CADM2: variants seen among roughly 807,000 people sequenced by gnomAD.
CADM2 encodes the protein immunoglobulin superfamily member 4D.
CADM2 carries 12 observed loss-of-function variants against 49.8 expected under a neutral mutation model. The ratio of observed to expected loss-of-function variants is 0.24; its 90% CI spans 0.15 to 0.39. The LOEUF is 0.39. CADM2 is among the 10% of genes least tolerant of loss of function. The pLI is 1.00. For synonymous variants in CADM2, 214 were observed against 175.4 expected, an observed-to-expected ratio of 1.22 and a Z score of -1.74; for missense variants, 378 against 492.3, an observed-to-expected ratio of 0.77 and a Z score of 2.20.
intron 2 of CADM2, among the ~76,000 whole-genome samples, chr3:85,796,157 T>G (rs2071607613): frequency 6.6e-6 from 1 of 152,230 alleles, no homozygotes; most frequent in Admixed American, 6.5e-5. Flanking sequence ...ATGTATATTT[T>G]TATTAGCAAT....
intron 8 of CADM2, among the ~76,000 whole-genome samples, chr3:85,977,482 A>G (rs980130713): frequency 6.6e-6 from 1 of 151,562 alleles, no homozygotes; most frequent in Non-Finnish European, 1.5e-5. Flanking sequence ...TCAGCAAATA[A>G]TTTTGCTAAC....
chr3:85,792,759 G>A (rs1453418596), intron 2 of CADM2, among the ~76,000 whole-genome samples: 3 of 152,216 alleles, frequency 2.0e-5, no homozygotes, highest in African/African-American at 7.2e-5. Context: ...ATTTTCGAAA[G>A]CAGAGTGATG....
intron 2 of CADM2, among the ~76,000 whole-genome samples, chr3:85,756,606 C>T (rs994999374): frequency 1.2e-4 from 18 of 152,026 alleles, no homozygotes; most frequent in Non-Finnish European, 1.3e-4. Context: ...TTCTTACATA[C>T]GGACATCATA....
chr3:85,670,522 A>G (rs964712692), intron 1 of CADM2, among the ~76,000 whole-genome samples: 5 of 152,264 alleles, frequency 3.3e-5, no homozygotes, highest in Non-Finnish European at 7.4e-5. Flanking sequence ...AGACCTGTCC[A>G]TCCACAGCCT....
chr3:85,721,488 G>A (rs992818538), intron 1 of CADM2, among the ~76,000 whole-genome samples: 6 of 152,144 alleles, frequency 3.9e-5, no homozygotes, highest in South Asian at 2.1e-4. Context: ...TGCCAAGGGC[G>A]AGTGAGGTGT....
At chr3:85,412,720 A>G (rs1183636811) in intron 1 of CADM2, among the ~76,000 whole-genome samples, 1 of 152,170 alleles carries the variant, frequency 6.6e-6, no homozygotes, top group Non-Finnish European at 1.5e-5. Flanking sequence ...GCACAATTTT[A>G]AAAATGGGAT....
intron 1 of CADM2, among the ~76,000 whole-genome samples, chr3:85,213,262 A>G (rs2107774744): frequency 6.6e-6 from 1 of 152,200 alleles, no homozygotes; most frequent in South Asian, 2.1e-4. Flanking sequence ...GATGTTGATG[A>G]AATCACTCTG....
chr3:85,316,184 A>G (rs1215845188), intron 1 of CADM2, among the ~76,000 whole-genome samples: 2 of 152,172 alleles, frequency 1.3e-5, no homozygotes, highest in Non-Finnish European at 2.9e-5. Context: ...ACCATCTGTA[A>G]GTTTCCTTCA....
At chr3:85,947,132 G>A (rs912710731) in intron 7 of CADM2, among the ~76,000 whole-genome samples, 39 of 151,956 alleles carry the variant, frequency 2.6e-4, no homozygotes, top group African/African-American at 8.9e-4. Flanking sequence ...ACAAGTGGAC[G>A]AAGGATATGA....
At chr3:85,788,497 G>A (rs563534911) in intron 2 of CADM2, among the ~76,000 whole-genome samples, 1 of 151,956 alleles carries the variant, frequency 6.6e-6, no homozygotes, top group South Asian at 2.1e-4. Context: ...TTACAGAGAA[G>A]AATACAGAAA....
chr3:85,589,625 A>G (rs1479643549), intron 1 of CADM2, among the ~76,000 whole-genome samples: 1 of 152,076 alleles, frequency 6.6e-6, no homozygotes, highest in African/African-American at 2.4e-5. Context: ...AGAGACAAGA[A>G]CAAATAAATA....
chr3:85,573,708 T>C (rs1259357808), intron 1 of CADM2, among the ~76,000 whole-genome samples: 1 of 152,218 alleles, frequency 6.6e-6, no homozygotes, highest in Non-Finnish European at 1.5e-5. Context: ...CTCTCAGGTA[T>C]CTATGATCAA....
intron 1 of CADM2, among the ~76,000 whole-genome samples, chr3:85,064,600 G>A (rs2036455896): frequency 1.3e-5 from 2 of 151,882 alleles, no homozygotes; most frequent in African/African-American, 2.4e-5. Context: ...GCCTCCTTTG[G>A]TTCTTATTTT....
chr3:85,630,412 G>T (rs2064273608), intron 1 of CADM2, among the ~76,000 whole-genome samples: 1 of 151,878 alleles, frequency 6.6e-6, no homozygotes, highest in Non-Finnish European at 1.5e-5. Context: ...CTCTTTCTGT[G>T]GGAAACATTA....
Position 85,229,440 on chromosome 3 carries a change from A to G in CADM2, c.61+269772A>G, listed in dbSNP as rs374774784. Among the ~76,000 whole-genome samples, 21 of 151,834 alleles carry G rather than the reference A, an allele frequency of 1.4e-4. No homozygotes were observed. In the East Asian group the frequency reaches 3.3e-3, roughly 24 times the overall value. ...TGAGGTGACAGCCCGCCCTGCTTCA[A>G]CTCGCCCTCGGTGGGCTGCACCTAC... On this transcript the variant is annotated intron_variant, in intron 1 of 9. Transcript: ENST00000383699.
At chr3:85,494,453 C>A (rs552177978) in intron 1 of CADM2, among the ~76,000 whole-genome samples, 1 of 152,192 alleles carries the variant, frequency 6.6e-6, no homozygotes, top group Non-Finnish European at 1.5e-5. Flanking sequence ...AACCTAGAAT[C>A]TTGTGTAATG....
At chr3:84,970,778 G>A in intron 1 of CADM2, among the ~76,000 whole-genome samples, 1 of 151,978 alleles carries the variant, frequency 6.6e-6, no homozygotes, top group East Asian at 1.9e-4. Flanking sequence ...GTTAAACCAT[G>A]TCTGTATGAT....
At chr3:84,960,845 G>T (rs957880894) in intron 1 of CADM2, among the ~76,000 whole-genome samples, 1 of 152,278 alleles carries the variant, frequency 6.6e-6, no homozygotes, top group African/African-American at 2.4e-5. Context: ...GACACTTTGG[G>T]TGGTGGAGGA....
At chr3:85,551,661 C>G (rs1337596558) in intron 1 of CADM2, among the ~76,000 whole-genome samples, 3 of 152,116 alleles carry the variant, frequency 2.0e-5, no homozygotes, top group Non-Finnish European at 4.4e-5. Flanking sequence ...GAACTGAGTG[C>G]ATTATCCATG....
Sources: allele counts gnomAD v4.1 joint callset (sites outside exome capture counted in the v4.1 genomes callset), GRCh38; gene constraint gnomAD v4.1.1; transcripts MANE v1.5; gene names NCBI Gene and HGNC (gene_info 2026-07-23, HGNC 2026-07-21).